The following PSMC4 variants were observed in gnomAD, a reference collection of about 807,000 sequenced individuals.
PSMC4 encodes the protein proteasome 26S subunit, ATPase 4.
In PSMC4, 13 loss-of-function variants were observed where a neutral mutation model predicts 48.4. The observed-to-expected ratio is 0.27, with a 90% confidence interval of 0.18 to 0.43. PSMC4 has a LOEUF of 0.43. Among genes scored for constraint, PSMC4 ranks in the 20% least tolerant of loss-of-function variants. The probability of loss-of-function intolerance (pLI) is 1.00; values close to 1 mark genes in which losing one functional copy is unlikely to be tolerated. For synonymous variants in PSMC4, 202 were observed against 212.3 expected, an observed-to-expected ratio of 0.95 and a Z score of 0.42; for missense variants, 262 against 555.9, an observed-to-expected ratio of 0.47 and a Z score of 5.32.
intron 3 of PSMC4, among the ~76,000 whole-genome samples, chr19:39,972,821 C>G (rs1416555761): frequency 6.6e-6 from 1 of 152,026 alleles, no homozygotes; most frequent in Non-Finnish European, 1.5e-5. Flanking sequence ...TCTCGGCTCA[C>G]TGCAACCTCC....
rs1971095863 is a variant in PSMC4 at position 39,971,229 on chromosome 19, G to A, written c.27G>A (p.Glu9=). 1 of 1,614,226 alleles carries A rather than the reference G, an allele frequency of 6.2e-7. No homozygotes were observed. The highest frequency in any genetic ancestry group is 8.5e-7 in the Non-Finnish European group (1 of 1,180,038). The change falls in exon 1 of 11, where the codon GAG becomes GAA. Residue 9 remains glutamate, a synonymous_variant. Transcript: ENST00000157812. ...TGGAGGAGATAGGCATCTTGGTGGA[G>A]AAGGCTCAGGTACAGTGGGGACTTG... MEEIGILV[E]KAQDEIPALS...
At chr19:39,979,546 G>A (rs1971256524) in intron 6 of PSMC4, 1 of 271,944 alleles carries the variant, frequency 3.7e-6, no homozygotes, top group Non-Finnish European at 6.8e-6. Context: ...GGGCGACAGA[G>A]CAAGACTCTG....
At chr19:39,975,372 C>T (rs762379350) in intron 6 of PSMC4, among the ~76,000 whole-genome samples, 4 of 125,424 alleles carry the variant, frequency 3.2e-5, no homozygotes, top group Non-Finnish European at 4.8e-5. Flanking sequence ...TCCCACAGTG[C>T]TGGGATTACA....
rs55724336 is a variant in PSMC4, at chr19:39,974,504, C to T, written c.470-20C>T. 9.4e-3 allele frequency: 15,112 copies of T among 1,613,576 alleles called. 176 individuals carry two copies. Among genetic ancestry groups the T allele is most frequent in the African/African-American group, 0.047 (3,505 of 75,034 alleles). Reference sequence around the variant, plus strand: ...ACCTTGAGGACCTGGCCAGGAGCCCCAGCTCTGCTCTCCCACCAGACCAGA... The same window carrying T: ...ACCTTGAGGACCTGGCCAGGAGCCCTAGCTCTGCTCTCCCACCAGACCAGA... On this transcript the variant is annotated intron_variant, in intron 4 of 10. Coordinates refer to ENST00000157812, the MANE Select transcript of PSMC4 (RefSeq NM_006503.4). This position sits in a 1 kb window ranked among gnomAD's most constrained non-coding sequence, Gnocchi z 5.5.
intron 1 of PSMC4, 123 bp from the exon 2 acceptor site, chr19:39,972,023 G>C: frequency 1.1e-6 from 1 of 877,926 alleles, no homozygotes; most frequent in Non-Finnish European, 1.8e-6. Context: ...TAAGATATCA[G>C]GGGTCTGTTA....
intron 3 of PSMC4, among the ~76,000 whole-genome samples, chr19:39,973,687 C>G (rs1476530968): frequency 2.0e-5 from 3 of 151,362 alleles, no homozygotes; most frequent in Non-Finnish European, 4.4e-5. Context: ...GCCTTGCCCT[C>G]TTGATAGTCA....
At chr19:39,977,986 T>C (rs1971231271) in intron 6 of PSMC4, among the ~76,000 whole-genome samples, 1 of 152,004 alleles carries the variant, frequency 6.6e-6, no homozygotes, top group African/African-American at 2.4e-5. Context: ...GCCCAACTAA[T>C]TTTTGTATCT....
rs1208895807 is a variant in PSMC4 at position 39,972,253 on chromosome 19, G to A, written c.135+9G>A. 12 of 1,612,906 alleles carry A rather than the reference G, an allele frequency of 7.4e-6. No homozygotes were observed. The highest frequency in any genetic ancestry group is 8.5e-6 in the Non-Finnish European group (10 of 1,179,422). ...TGTACAGCCGCTACAAGGTACATTCGACCCCCAACCCAGACCTTGCACAGG... is the reference window on the plus strand; with the variant it reads ...TGTACAGCCGCTACAAGGTACATTCAACCCCCAACCCAGACCTTGCACAGG... On this transcript the variant is annotated intron_variant, in intron 2 of 10. Coordinates refer to ENST00000157812, the MANE Select transcript of PSMC4 (RefSeq NM_006503.4).
intron 1 of PSMC4, among the ~76,000 whole-genome samples, chr19:39,971,781 A>G (rs924846556): frequency 3.2e-4 from 48 of 152,148 alleles, no homozygotes; most frequent in Admixed American, 2.2e-3. Flanking sequence ...CAGTCACTTT[A>G]ACAGCCTATC....
rs757775714 is a variant in PSMC4 at position 39,974,265 on chromosome 19, T to C, written c.323-29T>C. ...GAAGGGGCAGTTTCCAGGCTGACAC[T>C]TCTCGTTTTCCTCTCTCCCTTCTCG... On this transcript the variant is annotated intron_variant, in intron 3 of 10. Coordinates refer to ENST00000157812, the MANE Select transcript of PSMC4 (RefSeq NM_006503.4). This position sits in a 1 kb window ranked among gnomAD's most constrained non-coding sequence, Gnocchi z 5.5. 1.7e-5 allele frequency: 28 copies of C among 1,611,894 alleles called. No individual in the cohort carries two copies. Among genetic ancestry groups the C allele is most frequent in the Non-Finnish European group, 2.4e-5 (28 of 1,178,618 alleles).
At chr19:39,976,401 CAAAAAAAAAAA>C (rs757355957) in intron 6 of PSMC4, among the ~76,000 whole-genome samples, 1 of 45,186 alleles carries the variant, frequency 2.2e-5, no homozygotes, top group Non-Finnish European at 5.0e-5. Context: ...GACTCCGTCT[CAAAAAAAAAAA>C]AAAAAAAAAA....
chr19:39,977,241 G>A (rs983167747), intron 6 of PSMC4, among the ~76,000 whole-genome samples: 1 of 152,024 alleles, frequency 6.6e-6, no homozygotes, highest in African/African-American at 2.4e-5. Context: ...GTGGCCCTGT[G>A]TACCCTTCAC....
chr19:39,974,447 G>A lies in PSMC4; in HGVS notation c.469+7G>A, dbSNP rs376656583. On this transcript the variant is annotated splice_region_variant and intron_variant, in intron 4 of 10. Coordinates refer to ENST00000157812, the MANE Select transcript of PSMC4 (RefSeq NM_006503.4). The surrounding 1 kb of genome is among the most constrained non-coding windows in gnomAD (Gnocchi z 5.5). ...ATCATGATGCTCACCTCAGGTAAAGGGGGAGCCTGCAGCTGGGAGGGCCCC... is the reference window on the plus strand; with the variant it reads ...ATCATGATGCTCACCTCAGGTAAAGAGGGAGCCTGCAGCTGGGAGGGCCCC... 3 of 1,613,716 alleles carry A rather than the reference G, an allele frequency of 1.9e-6. No homozygotes were observed. Among genetic ancestry groups the A allele is most frequent in the Non-Finnish European group, 2.5e-6 (3 of 1,179,834 alleles).
At chr19:39,975,965 T>C (rs1223967271) in intron 6 of PSMC4, among the ~76,000 whole-genome samples, 1 of 152,084 alleles carries the variant, frequency 6.6e-6, no homozygotes, top group African/African-American at 2.4e-5. Flanking sequence ...GCTAGAGACA[T>C]GGGCCAGGCG....
chr19:39,976,502 C>G (rs1307174605), intron 6 of PSMC4, among the ~76,000 whole-genome samples: 1 of 143,192 alleles, frequency 7.0e-6, no homozygotes. Context: ...GACACAGATT[C>G]GTAAAGTTTC....
In PSMC4 at chr19:39,974,471, C is replaced by T; in HGVS notation, c.469+31C>T. On this transcript the variant is annotated intron_variant, in intron 4 of 10. Transcript: ENST00000157812. This position sits in a 1 kb window ranked among gnomAD's most constrained non-coding sequence, Gnocchi z 5.5. ...GGGGGAGCCTGCAGCTGGGAGGGCC[C>T]CATGGGGACCTTGAGGACCTGGCCA... is the stretch of plus-strand genomic sequence containing the variant. The T allele has an allele frequency of 6.2e-7, 1 of 1,613,452 alleles. No homozygotes were observed. The highest frequency in any genetic ancestry group is 8.5e-7 in the Non-Finnish European group (1 of 1,179,560).
At chr19:39,979,767 G>T in intron 6 of PSMC4, 50 bp from the exon 7 acceptor site, 1 of 1,522,816 alleles carries the variant, frequency 6.6e-7, no homozygotes, top group Non-Finnish European at 8.8e-7. Context: ...AAGCAGAATG[G>T]GCCCCTCAGG....
chr19:39,977,804 A>G (rs1971228041), intron 6 of PSMC4, among the ~76,000 whole-genome samples: 1 of 151,706 alleles, frequency 6.6e-6, no homozygotes, highest in Admixed American at 6.6e-5. Flanking sequence ...CCCGGCCAAT[A>G]GTGCGAGATT....
chr19:39,972,654 T>A, intron 3 of PSMC4, 99 bp downstream of exon 3: 1 of 1,023,126 alleles, frequency 9.8e-7, no homozygotes, highest in Non-Finnish European at 1.4e-6. Flanking sequence ...TGCAGTGCAA[T>A]GTTCTTCAGA....
Sources: gnomAD v4.1 joint callset for allele counts (sites outside exome capture counted in the v4.1 genomes callset) on GRCh38, gnomAD v4.1.1 for gene constraint, Gnocchi (gnomAD v3.1) non-coding constraint, MANE v1.5 for transcripts, NCBI Gene and HGNC (gene_info 2026-07-23, HGNC 2026-07-21) for gene names.